Variants in ZNF469 observed in about 807,000 individuals in gnomAD.
The protein encoded by ZNF469 is zinc finger protein 469.
In ZNF469, 1 loss-of-function variant was observed where a neutral mutation model predicts 1.0. That is an observed-to-expected ratio of 1.00 (90% CI 0.35 to 4.73). The LOEUF (loss-of-function observed/expected upper bound fraction) is 4.73, where lower values mean the gene tolerates loss of function less well. ZNF469 is among the 30% of genes most tolerant of loss of function. The pLI is 0.16. For missense variants in ZNF469, 6,100 were observed against 5,356.3 expected (o/e 1.14, Z -4.33); for synonymous variants, 2,703 against 2,363.4 (o/e 1.14, Z -4.17).
At chr16:88,408,252 G>C (rs752269522) in intron 1 of ZNF469, among the ~76,000 whole-genome samples, 1 of 152,176 alleles carries the variant, frequency 6.6e-6, no homozygotes, top group African/African-American at 2.4e-5. Context: ...TCCCAGGTTC[G>C]AGCAATTCTC....
chr16:88,134,137 G>A, the ZNF469 span, among the ~76,000 whole-genome samples: 3 of 151,564 alleles, frequency 2.0e-5, no homozygotes, highest in Non-Finnish European at 2.9e-5. Context: ...AATCATCATA[G>A]TGATCCCAGT....
the ZNF469 span, among the ~76,000 whole-genome samples, chr16:88,184,969 C>G: frequency 1.3e-5 from 2 of 152,114 alleles, no homozygotes; most frequent in South Asian, 2.1e-4. Flanking sequence ...CATGCACACG[C>G]AAGACTTACA....
the ZNF469 span, among the ~76,000 whole-genome samples, chr16:88,377,850 C>T: frequency 8.2e-4 from 124 of 152,106 alleles, no homozygotes; most frequent in African/African-American, 2.8e-3. Context: ...TCCCCACTTT[C>T]GTATTCTAGA....
upstream of ZNF469, among the ~76,000 whole-genome samples, chr16:88,378,000 A>G (rs1567494632): frequency 1.3e-5 from 2 of 152,058 alleles, no homozygotes; most frequent in African/African-American, 4.8e-5. Flanking sequence ...CTGCATCCTC[A>G]AGGACCCCAA....
chr16:88,306,173 A>G, the ZNF469 span, among the ~76,000 whole-genome samples: 1 of 152,260 alleles, frequency 6.6e-6, no homozygotes, highest in Admixed American at 6.5e-5. Context: ...CCTCCTGTCC[A>G]TGGTTTACTA....
In ZNF469 at chr16:88,439,677, T is replaced by C. The variant is rs961480598; in HGVS notation, c.*345T>C. 9.0e-5 allele frequency: 29 copies of C among 320,514 alleles called. No individual in the cohort carries two copies. The highest frequency in any genetic ancestry group is 9.9e-4 in the Middle Eastern group (1 of 1,010). 19.9% of individuals were successfully genotyped at this position (320,514 alleles called of 1,614,324 possible). ...GCACCGACACCACAGAAGCCAATGTTTGGAGATTTGCACAACCTCCCGTTC... is the reference window on the plus strand; with the variant it reads ...GCACCGACACCACAGAAGCCAATGTCTGGAGATTTGCACAACCTCCCGTTC... On this transcript the variant is annotated 3_prime_UTR_variant, in exon 3 of 3. Transcript: ENST00000565624.
intron 1 of ZNF469, among the ~76,000 whole-genome samples, chr16:88,420,277 C>T (rs991619780): frequency 6.6e-6 from 1 of 152,238 alleles, no homozygotes. Context: ...ACAGCAGAAA[C>T]AACCAGGAGA....
chr16:88,103,459 G>A, the ZNF469 span, among the ~76,000 whole-genome samples: 58 of 152,226 alleles, frequency 3.8e-4, no homozygotes, highest in Admixed American at 7.8e-4. Flanking sequence ...ACCCGCCCTC[G>A]GGACCGGCGT....
the ZNF469 span, among the ~76,000 whole-genome samples, chr16:88,312,295 T>C: frequency 6.6e-6 from 1 of 152,352 alleles, no homozygotes; most frequent in East Asian, 1.9e-4. Flanking sequence ...ACGGTAGTTC[T>C]AATTCCCAGG....
chr16:88,199,582 C>T, the ZNF469 span, among the ~76,000 whole-genome samples: 26 of 152,342 alleles, frequency 1.7e-4, no homozygotes, highest in Non-Finnish European at 2.6e-4. Context: ...TGGTGAACAT[C>T]CCATCTCCTT....
chr16:88,250,615 C>T, the ZNF469 span, among the ~76,000 whole-genome samples: 5 of 152,286 alleles, frequency 3.3e-5, no homozygotes, highest in South Asian at 1.0e-3. Context: ...ACATAGGCTG[C>T]ACTGCTTGCG....
rs181077813 is a variant in ZNF469, at chr16:88,430,595, G to A, written c.3125G>A (p.Arg1042Gln). 3,582 of 1,499,550 alleles carry A rather than the reference G, an allele frequency of 2.4e-3. 100 individuals are homozygous for A. The African/African-American group carries it at 0.047, about 20-fold the overall frequency. 92.9% of individuals were successfully genotyped at this position (1,499,550 alleles called of 1,614,324 possible). A position where few individuals can be genotyped will look rare whatever the true frequency, so the allele number is the denominator to read the frequency against. ...AAGGACCCCAGGAAGAGGAAGGCTC[G>A]GGGCGGCGCCTGGGGCAAGGAGCTC... is the stretch of plus-strand genomic sequence containing the variant. ...PRKDPRKRKARGGAWGKELIL... is the reference protein window; with the variant it reads ...PRKDPRKRKAQGGAWGKELIL... Residue 1042 changes from arginine to glutamine, a missense_variant, in exon 3 of 3, where the codon CGG becomes CAG. Arg to Gln is a conservative substitution (Grantham distance 43). Coordinates refer to ENST00000565624, the MANE Select transcript of ZNF469 (RefSeq NM_001367624.2).
At chr16:88,267,601 C>T in the ZNF469 span, among the ~76,000 whole-genome samples, 2 of 152,146 alleles carry the variant, frequency 1.3e-5, no homozygotes, top group Admixed American at 1.3e-4. Context: ...GTGTTCCTCC[C>T]TCTGGGGCAG....
chr16:88,123,121 C>T, the ZNF469 span, among the ~76,000 whole-genome samples: 2 of 152,150 alleles, frequency 1.3e-5, no homozygotes, highest in Admixed American at 1.3e-4. Context: ...CATTTTTGCA[C>T]TCACATAGCC....
In ZNF469 at chr16:88,428,127, C is replaced by G. The variant is rs1190388128; in HGVS notation, c.657C>G (p.Leu219=). ...CCCAGAGCAGGGGCACCAGCCCCCT[C>G]CAGCCCGGTTCCTATCCCGAATACC... ...GPPQSRGTSP[L]QPGSYPEYQA... The change falls in exon 3 of 3, where the codon CTC becomes CTG. Residue 219 remains leucine, a synonymous_variant. Coordinates refer to ENST00000565624, the MANE Select transcript of ZNF469 (RefSeq NM_001367624.2). The G allele has an allele frequency of 6.5e-7, 1 of 1,550,038 alleles. No homozygotes were observed. The highest frequency in any genetic ancestry group is 2.4e-5 in the East Asian group (1 of 40,900).
the ZNF469 span, among the ~76,000 whole-genome samples, chr16:88,358,549 A>G: frequency 6.6e-6 from 1 of 152,008 alleles, no homozygotes; most frequent in African/African-American, 2.4e-5. Flanking sequence ...CACCCAGGCC[A>G]GGCCCTGATG....
the ZNF469 span, among the ~76,000 whole-genome samples, chr16:88,218,872 T>C: frequency 6.8e-6 from 1 of 147,622 alleles, no homozygotes; most frequent in Non-Finnish European, 1.5e-5. Context: ...GAAAACCCCA[T>C]TGTCTCAGCC....
At chr16:88,371,942 T>C in the ZNF469 span, among the ~76,000 whole-genome samples, 5 of 6,598 alleles carry the variant, frequency 7.6e-4, 1 homozygote, top group African/African-American at 1.7e-3. Context: ...ATCACCACCA[T>C]CATCACCATC....
chr16:88,286,915 A>C, the ZNF469 span, among the ~76,000 whole-genome samples: 4 of 152,122 alleles, frequency 2.6e-5, no homozygotes, highest in Non-Finnish European at 5.9e-5. Context: ...AGGAGAGGAG[A>C]TGTGGGTGGA....
Sources: gnomAD v4.1 joint callset for allele counts (sites outside exome capture counted in the v4.1 genomes callset) on GRCh38, gnomAD v4.1.1 for gene constraint, MANE v1.5 for transcripts, NCBI Gene and HGNC (gene_info 2026-07-23, HGNC 2026-07-21) for gene names.